Variants in ZYG11B observed in about 807,000 individuals in gnomAD.
ZYG11B encodes the protein protein zyg-11 homolog B.
In ZYG11B, 36 loss-of-function variants were observed where a neutral mutation model predicts 82.4. The observed-to-expected ratio is 0.44, with a 90% confidence interval of 0.33 to 0.58. ZYG11B has a LOEUF of 0.58. ZYG11B is among the 20% of genes least tolerant of loss of function. ZYG11B has a pLI of 0.02. For synonymous variants in ZYG11B, 303 were observed against 312.8 expected, an observed-to-expected ratio of 0.97 and a Z score of 0.33; for missense variants, 552 against 895.6, an observed-to-expected ratio of 0.62 and a Z score of 4.90.
chr1:52,773,628 T>TATATATATATATATA lies in ZYG11B; in HGVS notation c.951+1854_951+1855insATATATATATATATA, dbSNP rs59444202. 1.9e-3 allele frequency among the ~76,000 whole-genome samples: 25 copies of TATATATATATATATA among 13,156 alleles called. 1 individual carries two copies. Among genetic ancestry groups the TATATATATATATATA allele is most frequent in the African/African-American group, 5.1e-3 (14 of 2,748 alleles). 8.6% of individuals were successfully genotyped at this position (13,156 alleles called of 152,430 possible). ...ATATATATATATATATATATATATA[T>TATATATATATATATA]TTTTTTTTTTTTTTTTTTTTTTTTT... On this transcript the variant is annotated intron_variant, in intron 3 of 13. Coordinates refer to ENST00000294353, the MANE Select transcript of ZYG11B (RefSeq NM_024646.3).
chr1:52,798,222 C>T (rs1296473202), intron 8 of ZYG11B, among the ~76,000 whole-genome samples: 1 of 152,064 alleles, frequency 6.6e-6, no homozygotes, highest in African/African-American at 2.4e-5. Flanking sequence ...ATGGAAAAAG[C>T]CCTGACCTAG....
intron 5 of ZYG11B, among the ~76,000 whole-genome samples, chr1:52,789,296 T>C (rs1161630109): frequency 6.6e-6 from 1 of 152,198 alleles, no homozygotes; most frequent in Admixed American, 6.6e-5. Flanking sequence ...ATATTAAGTC[T>C]TTTTAGATAA....
At chr1:52,748,182 A>T (rs889319773) in intron 1 of ZYG11B, among the ~76,000 whole-genome samples, 5 of 152,170 alleles carry the variant, frequency 3.3e-5, no homozygotes, top group African/African-American at 1.2e-4. Flanking sequence ...TATTTTCCTC[A>T]TCTTTAAAAT....
chr1:52,751,947 T>C lies in ZYG11B; in HGVS notation c.31-4511T>C, dbSNP rs192760285. On this transcript the variant is annotated intron_variant, in intron 1 of 13. Transcript: ENST00000294353. ...TACTGTACTCTCAACACAGAACACTTCTGTGACCAGATGTGTGGTTTTTTT... is the reference window on the plus strand; with the variant it reads ...TACTGTACTCTCAACACAGAACACTCCTGTGACCAGATGTGTGGTTTTTTT... 1.7e-3 allele frequency among the ~76,000 whole-genome samples: 254 copies of C among 151,904 alleles called. 1 individual carries two copies. The highest frequency in any genetic ancestry group is 5.2e-3 in the South Asian group (25 of 4,808).
chr1:52,809,096 T>C (rs1238761731), intron 10 of ZYG11B, among the ~76,000 whole-genome samples: 1 of 152,236 alleles, frequency 6.6e-6, no homozygotes, highest in Non-Finnish European at 1.5e-5. Context: ...CATTATGAAT[T>C]ATGTTTTCCT....
rs182145190 is a variant in ZYG11B, at chr1:52,802,298, G to C, written c.1695+159G>C. Among the ~76,000 whole-genome samples the C allele has an allele frequency of 1.9e-4, 28 of 148,158 alleles. 1 individual carries two copies. Among genetic ancestry groups the C allele is most frequent in the Admixed American group, 1.8e-3 (27 of 14,872 alleles). On this transcript the variant is annotated intron_variant, in intron 10 of 13. Transcript: ENST00000294353. ...ACTATTCCCAATACCTCACCATGAT[G>C]ACTTGAAATATGGTCTGCAATAGCA...
intron 1 of ZYG11B, among the ~76,000 whole-genome samples, chr1:52,755,548 C>G (rs1644568699): frequency 6.6e-6 from 1 of 152,012 alleles, no homozygotes; most frequent in Non-Finnish European, 1.5e-5. Context: ...GTTGCCCAGG[C>G]TAGAGTGCAA....
At chr1:52,795,862 A>G (rs900165318) in intron 6 of ZYG11B, among the ~76,000 whole-genome samples, 2 of 152,144 alleles carry the variant, frequency 1.3e-5, no homozygotes, top group Non-Finnish European at 1.5e-5. Context: ...TCACTATTCT[A>G]TCTCCAGCAC....
intron 4 of ZYG11B, 139 bp from the exon 5 acceptor site, chr1:52,784,738 C>A: frequency 1.1e-6 from 1 of 896,716 alleles, no homozygotes; most frequent in Admixed American, 2.3e-5. Flanking sequence ...ACTGCTATAT[C>A]CTAGGCTCTT....
At chr1:52,821,129 C>G (rs77000393) in intron 13 of ZYG11B, among the ~76,000 whole-genome samples, 2,550 of 149,990 alleles carry the variant, frequency 0.017, 79 homozygotes, top group African/African-American at 0.058. Context: ...AAAAATATAA[C>G]AACACTTACC....
At chr1:52,760,383 G>C (rs1280881621) in intron 2 of ZYG11B, among the ~76,000 whole-genome samples, 2 of 152,102 alleles carry the variant, frequency 1.3e-5, no homozygotes, top group Non-Finnish European at 2.9e-5. Flanking sequence ...GGTGGAGGTT[G>C]CAGTGAGCCA....
chr1:52,732,039 G>A (rs1291576625), intron 1 of ZYG11B, among the ~76,000 whole-genome samples: 11 of 152,216 alleles, frequency 7.2e-5, no homozygotes, highest in South Asian at 6.2e-4. Context: ...CTGGACTCAC[G>A]TGATCTGCCC....
chr1:52,761,719 A>G (rs1292039186), intron 2 of ZYG11B, among the ~76,000 whole-genome samples: 1 of 152,174 alleles, frequency 6.6e-6, no homozygotes, highest in Non-Finnish European at 1.5e-5. Flanking sequence ...GGATTGCTGG[A>G]TATGGTAGTT....
chr1:52,795,775 G>A (rs928518124), intron 6 of ZYG11B, among the ~76,000 whole-genome samples: 5 of 151,928 alleles, frequency 3.3e-5, no homozygotes, highest in South Asian at 4.2e-4. Context: ...TATATTTTAC[G>A]TATTTATCTG....
At chr1:52,743,024 C>G (rs543466094) in intron 1 of ZYG11B, among the ~76,000 whole-genome samples, 4 of 152,060 alleles carry the variant, frequency 2.6e-5, no homozygotes, top group South Asian at 4.1e-4. Flanking sequence ...TGAGGAGCCC[C>G]TCTGCCCGGC....
intron 10 of ZYG11B, among the ~76,000 whole-genome samples, chr1:52,811,017 G>A (rs180901780): frequency 9.9e-5 from 14 of 140,746 alleles, no homozygotes; most frequent in Admixed American, 5.9e-4. Flanking sequence ...CTGAGCGACC[G>A]AGCAAGGCTC....
intron 2 of ZYG11B, among the ~76,000 whole-genome samples, chr1:52,759,737 G>T (rs1366091798): frequency 6.6e-6 from 1 of 152,164 alleles, no homozygotes; most frequent in East Asian, 1.9e-4. Context: ...GTCTCAATTT[G>T]TAAAAGTTGC....
chr1:52,781,250 G>C (rs950021087), intron 4 of ZYG11B, among the ~76,000 whole-genome samples: 1 of 151,692 alleles, frequency 6.6e-6, no homozygotes, highest in Admixed American at 6.6e-5. Flanking sequence ...TGTAATCCCA[G>C]TACTTTGGGA....
intron 5 of ZYG11B, among the ~76,000 whole-genome samples, 165 bp downstream of exon 5, chr1:52,785,218 G>A (rs57623696): frequency 1.3e-3 from 191 of 152,238 alleles, no homozygotes; most frequent in African/African-American, 4.2e-3. Context: ...AGTATATTCC[G>A]TGCCTAAAAG....
Sources: allele counts gnomAD v4.1 joint callset (sites outside exome capture counted in the v4.1 genomes callset), GRCh38; gene constraint gnomAD v4.1.1; transcripts MANE v1.5; gene names NCBI Gene and HGNC (gene_info 2026-07-23, HGNC 2026-07-21).